FCRL5: variants seen among roughly 807,000 people sequenced by gnomAD.
FCRL5 encodes the protein Fc receptor-like protein 5.
Under a neutral mutation model 92.1 loss-of-function variants are expected in FCRL5, and 79 were observed. The ratio of observed to expected loss-of-function variants is 0.86; its 90% CI spans 0.72 to 1.03. The LOEUF is 1.03. Ranked by LOEUF, FCRL5 falls within the 50% of genes least tolerant of loss-of-function variation. The pLI is 0.00. For missense variants in FCRL5, 1,160 were observed against 1,181.1 expected, an observed-to-expected ratio of 0.98 and a Z score of 0.26; for synonymous variants, 466 against 469.3, an observed-to-expected ratio of 0.99 and a Z score of 0.09.
intron 8 of FCRL5, among the ~76,000 whole-genome samples, chr1:157,529,986 A>G (rs1472630201): frequency 6.6e-6 from 1 of 152,226 alleles, no homozygotes; most frequent in East Asian, 1.9e-4. Flanking sequence ...TGAAAAACCC[A>G]GCTATTCATT....
At position 157,549,834 on chromosome 1, in the gene FCRL5, A is replaced by G. The variant is rs1457068350; in HGVS notation, c.32-254T>C. ...CTGCCATCAAGAAGTTGACTAGTGG[A>G]AAAACAGAAACACGATTTAAAATAA... On this transcript the variant is annotated intron_variant, in intron 1 of 16. Coordinates refer to ENST00000361835, the MANE Select transcript of FCRL5 (RefSeq NM_031281.3). Among the ~76,000 whole-genome samples, 2 of 152,164 alleles carry G rather than the reference A, an allele frequency of 1.3e-5. 1 individual carries two copies. Among genetic ancestry groups the G allele is most frequent in the Non-Finnish European group, 2.9e-5 (2 of 68,036 alleles).
intron 10 of FCRL5, 155 bp downstream of exon 10, chr1:157,524,124 C>A: frequency 1.4e-6 from 1 of 695,286 alleles, no homozygotes; most frequent in Non-Finnish European, 2.4e-6. Context: ...ACAAAGGATC[C>A]GAGACTTTCA....
chr1:157,547,168 G>A lies in FCRL5; in HGVS notation c.82C>T (p.Gln28Ter). The A allele has an allele frequency of 6.2e-7, 1 of 1,613,990 alleles. No individual in the cohort carries two copies. Among genetic ancestry groups the A allele is most frequent in the Non-Finnish European group, 8.5e-7 (1 of 1,180,024 alleles). Residue 28 changes from glutamine (Q) to a stop codon, truncating the protein, a stop_gained, in exon 3 of 17, where the codon CAG becomes TAG. Transcript: ENST00000361835. LOFTEE classifies it high-confidence loss of function. ...TGGAAGACTGTGGTCCATGGAGGCTGGAGGAAAATAATGGGCCTGGGTGTC... is the reference window on the plus strand; with the variant it reads ...TGGAAGACTGTGGTCCATGGAGGCTAGAGGAAAATAATGGGCCTGGGTGTC... ...ARTPRPIIFLQPPWTTVFQGE... is the reference protein window; with the variant it reads ...ARTPRPIIFL
chr1:157,538,118 A>G (rs1185327532), intron 7 of FCRL5, among the ~76,000 whole-genome samples: 3 of 152,192 alleles, frequency 2.0e-5, no homozygotes, highest in Non-Finnish European at 4.4e-5. Context: ...AGTGTGTTTG[A>G]TCATGATGTC....
At chr1:157,547,669 C>A (rs1264662478) in intron 2 of FCRL5, among the ~76,000 whole-genome samples, 1 of 152,192 alleles carries the variant, frequency 6.6e-6, no homozygotes, top group African/African-American at 2.4e-5. Context: ...GATGATGATT[C>A]AAGTGCCCAG....
intron 1 of FCRL5, 46 bp downstream of exon 1, chr1:157,552,286 G>A: frequency 6.3e-7 from 1 of 1,597,534 alleles, no homozygotes; most frequent in Non-Finnish European, 8.6e-7. Context: ...GGAGAGAGAA[G>A]CTGTCCCGAT....
intron 1 of FCRL5, among the ~76,000 whole-genome samples, chr1:157,551,424 C>T (rs1244702076): frequency 6.6e-6 from 1 of 152,216 alleles, no homozygotes. Flanking sequence ...TCCTACTCAC[C>T]TCTAAGTTTC....
At position 157,544,438 on chromosome 1, in the gene FCRL5, G is replaced by A. The variant is rs138199039; in HGVS notation, c.668C>T (p.Pro223Leu). The change falls in exon 5 of 17, where the codon CCG (proline) becomes CTG (leucine). Residue 223 changes from proline to leucine, a missense_variant. Physicochemically the swap from Pro to Leu is moderately conservative, Grantham distance 98 (BLOSUM62 -3). Coordinates refer to ENST00000361835, the MANE Select transcript of FCRL5 (RefSeq NM_031281.3). The part of the protein sequence containing the change: ...TQLSLERSDV[P>L]LRFRFFRDDQ... ...ATCTCTGAAGAAGCGGAACCGGAGC[G>A]GGACATCTGACCTCTCTAGAGAGAG... 302 of 1,614,190 alleles carry A rather than the reference G, an allele frequency of 1.9e-4. 1 individual carries two copies. In the African/African-American group the frequency reaches 3.3e-3, roughly 17 times the overall value.
At chr1:157,549,633 T>G in intron 1 of FCRL5, 53 bp from the exon 2 acceptor site, 1 of 1,565,702 alleles carries the variant, frequency 6.4e-7, no homozygotes, top group Non-Finnish European at 8.7e-7. Context: ...TATTTTGTTT[T>G]AAGAAGATAA....
rs568511524 is a variant in FCRL5, at chr1:157,547,382, C to T, written c.53-185G>A. 9 of 807,378 alleles carry T rather than the reference C, an allele frequency of 1.1e-5. No homozygotes were observed. The South Asian group carries it at 1.2e-4, about 11-fold the overall frequency. The allele number at this position is 807,378 out of a possible 1,614,324, so 50.0% of individuals were successfully genotyped here. Reference sequence around the variant, plus strand: ...CTCACCTCACCCAAGGGAGAAATTGCCCAGGGGATGGCAATGAGCAAAATG... The same window carrying T: ...CTCACCTCACCCAAGGGAGAAATTGTCCAGGGGATGGCAATGAGCAAAATG... On this transcript the variant is annotated intron_variant, in intron 2 of 16. Transcript: ENST00000361835.
In FCRL5 at chr1:157,531,372, A is replaced by G. The variant is rs191287263; in HGVS notation, c.1681+3242T>C. On this transcript the variant is annotated intron_variant, in intron 8 of 16. Coordinates refer to ENST00000361835, the MANE Select transcript of FCRL5 (RefSeq NM_031281.3). ...AAGGAACCCTTACATTGCTGGTGGC[A>G]TTGTAAATTAGTACAGCCACCACAA... Among the ~76,000 whole-genome samples the G allele has an allele frequency of 7.9e-4, 120 of 152,350 alleles. 2 individuals carry two copies. Among genetic ancestry groups the G allele is most frequent in the East Asian group, 7.5e-3 (39 of 5,190 alleles).
At position 157,534,780 on chromosome 1, in the gene FCRL5, G is replaced by A. The variant is rs762838371; in HGVS notation, c.1515C>T (p.Tyr505=). ...EVQRGSPQIL[Y]QFYHEDMPLW... is the part of the protein sequence containing the mutation. ...GGGGCATGTCCTCATGATAAAACTG[G>A]TATAGGATTTGTGGGGAACCTCTCT... Residue 505 remains tyrosine (Y), a synonymous_variant, in exon 8 of 17, where the codon TAC becomes TAT. Coordinates refer to ENST00000361835, the MANE Select transcript of FCRL5 (RefSeq NM_031281.3). The A allele has an allele frequency of 1.1e-5, 18 of 1,613,848 alleles. No individual in the cohort carries two copies. Among genetic ancestry groups the A allele is most frequent in the Admixed American group, 3.3e-5 (2 of 59,988 alleles).
In FCRL5 at chr1:157,539,459, G is replaced by A. The variant is rs775479010; in HGVS notation, c.1124-95C>T. The A allele has an allele frequency of 4.2e-6, 5 of 1,198,980 alleles. No homozygotes were observed. In the East Asian group the frequency reaches 1.0e-4, roughly 24 times the overall value. The allele number at this position is 1,198,980 out of a possible 1,614,324, so 74.3% of individuals were successfully genotyped here. A position where few individuals can be genotyped will look rare whatever the true frequency, so the allele number is the denominator to read the frequency against. On this transcript the variant is annotated intron_variant, in intron 6 of 16. Transcript: ENST00000361835. ...AATCTTGGGAACCCCAAATCACTAA[G>A]CCAAAGGGAAAAGTCAAGCTGGGAA...
intron 8 of FCRL5, among the ~76,000 whole-genome samples, chr1:157,531,635 G>T (rs1650700980): frequency 1.3e-5 from 2 of 152,110 alleles, no homozygotes; most frequent in African/African-American, 4.8e-5. Context: ...ATAGTATTCA[G>T]CCATAAAAAA....
chr1:157,525,315 G>A (rs924708678), intron 9 of FCRL5, among the ~76,000 whole-genome samples: 1 of 152,248 alleles, frequency 6.6e-6, no homozygotes, highest in Non-Finnish European at 1.5e-5. Flanking sequence ...GAGGTGGAGA[G>A]TGCACCAGGC....
At chr1:157,520,349 G>A in intron 12 of FCRL5, 82 bp downstream of exon 12, 1 of 982,860 alleles carries the variant, frequency 1.0e-6, no homozygotes, top group Non-Finnish European at 1.6e-6. Context: ...GCCTGGGATG[G>A]TCACAAAGGC....
intron 5 of FCRL5, among the ~76,000 whole-genome samples, chr1:157,543,963 T>A (rs1178484456): frequency 6.8e-6 from 1 of 148,056 alleles, no homozygotes; most frequent in African/African-American, 2.5e-5. Flanking sequence ...CCATGGCTTA[T>A]CCCTATGGGC....
chr1:157,523,418 A>C (rs188669045), intron 10 of FCRL5, among the ~76,000 whole-genome samples: 1 of 152,286 alleles, frequency 6.6e-6, no homozygotes, highest in African/African-American at 2.4e-5. Flanking sequence ...TGATTTTCCC[A>C]CTTTGTGGGT....
At chr1:157,551,474 C>T (rs1485349000) in intron 1 of FCRL5, among the ~76,000 whole-genome samples, 1 of 152,186 alleles carries the variant, frequency 6.6e-6, no homozygotes, top group Non-Finnish European at 1.5e-5. Context: ...AGTTTATTAT[C>T]TGCCTACAGC....
Sources: gnomAD v4.1 joint callset for allele counts (sites outside exome capture counted in the v4.1 genomes callset) on GRCh38, gnomAD v4.1.1 for gene constraint, MANE v1.5 for transcripts, NCBI Gene and HGNC (gene_info 2026-07-23, HGNC 2026-07-21) for gene names.